The following NBPF10 variants were observed in gnomAD, a reference collection of about 807,000 sequenced individuals.
NBPF10 encodes NBPF family member NBPF10.
A neutral mutation model predicts 77.9 loss-of-function variants in NBPF10; 63 were observed. That is an observed-to-expected ratio of 0.81 (90% CI 0.66 to 1.00). NBPF10 has a LOEUF of 1.00. NBPF10 is among the 50% of genes least tolerant of loss of function. NBPF10 has a pLI of 0.00. For missense variants in NBPF10, 522 were observed against 679.8 expected (o/e 0.77, Z 2.58); for synonymous variants, 146 against 264.5 (o/e 0.55, Z 4.35).
At chr1:146,142,384 AC>A in intron 2 of NBPF10, among the ~76,000 whole-genome samples, 1 of 133,858 alleles carries the variant, frequency 7.5e-6, no homozygotes, top group South Asian at 2.6e-4. Context: ...GGTGGTTCCC[AC>A]TCCTTTGGTG....
intron 17 of NBPF10, among the ~76,000 whole-genome samples, chr1:146,123,498 AC>A: frequency 9.1e-5 from 9 of 98,366 alleles, no homozygotes; most frequent in African/African-American, 4.4e-4. Context: ...ACACACACAC[AC>A]ACACACACAC....
At chr1:146,066,943 C>T (rs1366619554) in intron 89 of NBPF10, among the ~76,000 whole-genome samples, 1 of 145,212 alleles carries the variant, frequency 6.9e-6, no homozygotes, top group African/African-American at 2.5e-5. Context: ...AAATTCGATG[C>T]AGTGGCCATG....
At chr1:146,139,246 C>T (rs1553796272) in intron 5 of NBPF10, among the ~76,000 whole-genome samples, 1 of 149,728 alleles carries the variant, frequency 6.7e-6, no homozygotes, top group Non-Finnish European at 1.5e-5. Flanking sequence ...ACTACAGGCG[C>T]CCACCACCAC....
chr1:146,138,896 T>C (rs1350962490), intron 5 of NBPF10, among the ~76,000 whole-genome samples: 2 of 143,868 alleles, frequency 1.4e-5, no homozygotes, highest in Non-Finnish European at 3.1e-5. Context: ...GCGATTCTCA[T>C]CCCTCAGCCT....
At chr1:146,081,014 C>CAA (rs1656260236) in intron 71 of NBPF10, among the ~76,000 whole-genome samples, 1 of 73,522 alleles carries the variant, frequency 1.4e-5, no homozygotes, top group East Asian at 3.0e-4. Context: ...CACACACACA[C>CAA]ACACACACAC....
At chr1:146,067,848 C>G (rs1424424613) in intron 88 of NBPF10, among the ~76,000 whole-genome samples, 155 bp downstream of exon 88, 4 of 151,804 alleles carry the variant, frequency 2.6e-5, no homozygotes, top group African/African-American at 9.7e-5. Context: ...AGGCTTCCAG[C>G]TGAGACTACA....
At chr1:146,126,523 A>G in intron 13 of NBPF10, 115 bp from the exon 14 acceptor site, 1 of 715,564 alleles carries the variant, frequency 1.4e-6, no homozygotes, top group African/African-American at 1.8e-5. Flanking sequence ...GGACAGATCC[A>G]TTAATGAGGT....
rs782683558 is a variant in NBPF10, at chr1:146,126,269, G to A, written c.1993C>T (p.Gln665Ter). Residue 665 changes from glutamine (Q) to a stop codon, truncating the protein, a stop_gained, in exon 14 of 90, where the codon CAA becomes TAA. Coordinates refer to ENST00000583866, the Ensembl canonical transcript of NBPF10. LOFTEE classifies it high-confidence loss of function. ...TCAATAGCCAAGCCAACACGCTGTT[G>A]CTCCAATATGTAAAAGGCACTTCTG... 1.2e-5 allele frequency: 20 copies of A among 1,608,082 alleles called. 1 individual carries two copies. The highest frequency in any genetic ancestry group is 1.5e-5 in the Non-Finnish European group (18 of 1,176,806).
intron 89 of NBPF10, among the ~76,000 whole-genome samples, chr1:146,066,864 C>T (rs1472116335): frequency 6.6e-6 from 1 of 150,724 alleles, no homozygotes; most frequent in African/African-American, 2.4e-5. Context: ...GACTTAGTGC[C>T]CTCATGACAC....
intron 3 of NBPF10, 134 bp downstream of exon 3, chr1:146,141,469 TC>T (rs1246488249): frequency 1.9e-6 from 1 of 514,812 alleles, no homozygotes; most frequent in Non-Finnish European, 3.5e-6. Context: ...ACCCAGGAAG[TC>T]CTGATCATGT....
chr1:146,136,203 C>G, intron 7 of NBPF10, 150 bp downstream of exon 7: 1 of 791,436 alleles, frequency 1.3e-6, no homozygotes, highest in Non-Finnish European at 2.1e-6. Context: ...TATCCTTCTT[C>G]TCTGATAAAT....
At chr1:146,109,362 A>AG (rs1657362206) in intron 35 of NBPF10, among the ~76,000 whole-genome samples, 1 of 61,420 alleles carries the variant, frequency 1.6e-5, no homozygotes, top group South Asian at 6.7e-4. Context: ...AGAGAGAGAG[A>AG]ACGAGCTCAG....
chr1:146,125,864 A>T (rs1428260384), intron 14 of NBPF10, among the ~76,000 whole-genome samples: 2 of 150,996 alleles, frequency 1.3e-5, no homozygotes, highest in African/African-American at 4.9e-5. Context: ...CTCATCAAAT[A>T]CTCAGATTGT....
chr1:146,109,336 A>G (rs1657352013), intron 35 of NBPF10, among the ~76,000 whole-genome samples: 1 of 104,862 alleles, frequency 9.5e-6, no homozygotes, highest in Non-Finnish European at 2.1e-5. Flanking sequence ...ACACACACAC[A>G]CACACACACA....
chr1:146,142,482 C>A (rs587699964), intron 2 of NBPF10, among the ~76,000 whole-genome samples, 168 bp downstream of exon 2: 7 of 131,698 alleles, frequency 5.3e-5, no homozygotes, highest in African/African-American at 1.7e-4. Context: ...CAACACAGAA[C>A]TTATTATTAT....
rs587622795 is a variant in NBPF10, at chr1:146,134,202, G to A, written c.1370C>T (p.Ser457Phe). ...GAGTATTCAGTGTTACCTGGGGGCA[G>A]ATGATTTCTGCACTTTCTCAGCCAC... The change falls in exon 9 of 90, where the codon TCT (serine) becomes TTT (phenylalanine). Residue 457 changes from serine (S) to phenylalanine (F), a missense_variant. Ser to Phe is a radical substitution (Grantham distance 155, BLOSUM62 -2). This residue lies in a region of NBPF10 where 45 missense variants were observed against 121.0 expected (regional missense o/e 0.37). Coordinates refer to ENST00000583866, the Ensembl canonical transcript of NBPF10. The A allele has an allele frequency of 3.7e-4, 513 of 1,387,992 alleles. 11 individuals carry two copies. In the South Asian group the frequency reaches 5.9e-3, roughly 16 times the overall value. 86.0% of individuals were successfully genotyped at this position (1,387,992 alleles called of 1,614,324 possible).
At chr1:146,136,112 G>A (rs1450560328) in intron 7 of NBPF10, among the ~76,000 whole-genome samples, 3 of 150,462 alleles carry the variant, frequency 2.0e-5, no homozygotes, top group Admixed American at 6.6e-5. Context: ...TTTGTGTTAT[G>A]TAAATTTCAC....
intron 88 of NBPF10, among the ~76,000 whole-genome samples, chr1:146,067,759 C>A (rs2102042813): frequency 6.6e-6 from 1 of 151,328 alleles, no homozygotes; most frequent in Admixed American, 6.6e-5. Flanking sequence ...GGTCCAATGT[C>A]ATGAGAATAG....
intron 3 of NBPF10, among the ~76,000 whole-genome samples, 171 bp from the exon 4 acceptor site, chr1:146,140,727 CA>C (rs1322292891): frequency 8.6e-6 from 1 of 116,420 alleles, no homozygotes; most frequent in Non-Finnish European, 2.0e-5. Context: ...CTCCATCGGG[CA>C]ATGCATTTCT....
Sources: allele counts gnomAD v4.1 joint callset (sites outside exome capture counted in the v4.1 genomes callset), GRCh38; gene constraint gnomAD v4.1.1; regional missense constraint gnomAD v4.1.1; transcripts MANE v1.5; gene names NCBI Gene and HGNC (gene_info 2026-07-23, HGNC 2026-07-21).